The following ZMAT4 variants were observed in gnomAD, a reference collection of about 807,000 sequenced individuals.
ZMAT4 encodes zinc finger matrin-type 4, also known as zinc finger matrin-type protein 4.
In ZMAT4, 17 loss-of-function variants were observed where a neutral mutation model predicts 28.7. The ratio of observed to expected loss-of-function variants is 0.59; its 90% confidence interval spans 0.41 to 0.89. The LOEUF (loss-of-function observed/expected upper bound fraction) is 0.89, where lower values mean the gene tolerates loss of function less well. ZMAT4 is among the 40% of genes least tolerant of loss of function. The pLI is 0.00. For missense variants in ZMAT4, 240 were observed against 283.8 expected, an observed-to-expected ratio of 0.85 and a Z score of 1.11; for synonymous variants, 117 against 109.2, an observed-to-expected ratio of 1.07 and a Z score of -0.44.
In ZMAT4 at chr8:40,587,901, G is replaced by A. The variant is rs79859621; in HGVS notation, c.578-6640C>T. Among the ~76,000 whole-genome samples, 273 of 152,012 alleles carry A rather than the reference G, an allele frequency of 1.8e-3. 6 individuals carry two copies. The highest frequency in any genetic ancestry group is 0.015 in the Admixed American group (224 of 15,274). On this transcript the variant is annotated intron_variant, in intron 5 of 6. Coordinates refer to ENST00000297737, the MANE Select transcript of ZMAT4 (RefSeq NM_024645.3). Reference sequence around the variant, plus strand: ...AAACACTTATAGGTTGAAAGTAAAAGGATAGAAAAAGACATCCTATGAAAA... The same window carrying A: ...AAACACTTATAGGTTGAAAGTAAAAAGATAGAAAAAGACATCCTATGAAAA...
intron 3 of ZMAT4, among the ~76,000 whole-genome samples, chr8:40,765,954 C>A (rs368544335): frequency 1.3e-5 from 2 of 152,180 alleles, no homozygotes; most frequent in African/African-American, 4.8e-5. Flanking sequence ...ATGGGAAGCA[C>A]GATTCCAGTA....
At chr8:40,704,653 CA>C (rs1352407073) in intron 3 of ZMAT4, among the ~76,000 whole-genome samples, 1 of 152,220 alleles carries the variant, frequency 6.6e-6, no homozygotes, top group African/African-American at 2.4e-5. Context: ...GTGCCTGACA[CA>C]GGTCTGGATT....
intron 2 of ZMAT4, among the ~76,000 whole-genome samples, chr8:40,769,470 G>T (rs537864542): frequency 6.6e-6 from 1 of 152,272 alleles, no homozygotes; most frequent in South Asian, 2.1e-4. Flanking sequence ...TATTTTAGAG[G>T]TAAGGAAGGA....
In ZMAT4 at chr8:40,697,420, A is replaced by G; in HGVS notation, c.193-19T>C. On this transcript the variant is annotated intron_variant, in intron 3 of 6. Transcript: ENST00000297737. ...CACTTCCCTGCGCAGGGAGAAAGAAAGGCCACGTGTGAGAGAAACCCATTC... is the reference window on the plus strand; with the variant it reads ...CACTTCCCTGCGCAGGGAGAAAGAAGGGCCACGTGTGAGAGAAACCCATTC... 2 of 1,536,270 alleles carry G rather than the reference A, an allele frequency of 1.3e-6. No individual in the cohort carries two copies. Among genetic ancestry groups the G allele is most frequent in the Non-Finnish European group, 1.8e-6 (2 of 1,136,094 alleles).
Position 40,620,475 on chromosome 8 carries a change from G to T in ZMAT4, c.578-39214C>A, listed in dbSNP as rs147524008. Among the ~76,000 whole-genome samples the T allele has an allele frequency of 9.9e-3, 1,513 of 152,252 alleles. 11 individuals are homozygous for T. The highest frequency in any genetic ancestry group is 0.017 in the Non-Finnish European group (1,130 of 68,012). Reference sequence around the variant, plus strand: ...ATATTACTTTTATTCCTCTGTAAAAGAACATTTTTGTAGCTGAGGATCATT... The same window carrying T: ...ATATTACTTTTATTCCTCTGTAAAATAACATTTTTGTAGCTGAGGATCATT... On this transcript the variant is annotated intron_variant, in intron 5 of 6. Coordinates refer to ENST00000297737, the MANE Select transcript of ZMAT4 (RefSeq NM_024645.3).
At chr8:40,881,487 GA>G (rs1563263502) in intron 1 of ZMAT4, among the ~76,000 whole-genome samples, 18 of 134,408 alleles carry the variant, frequency 1.3e-4, no homozygotes, top group African/African-American at 5.1e-4. Flanking sequence ...AAGAAAGAAA[GA>G]AAGAAAGAAA....
At chr8:40,755,529 T>C (rs1184112748) in intron 3 of ZMAT4, among the ~76,000 whole-genome samples, 3 of 152,180 alleles carry the variant, frequency 2.0e-5, no homozygotes, top group Non-Finnish European at 4.4e-5. Context: ...CTCGGCTCAC[T>C]GCAACCTCCG....
intron 1 of ZMAT4, among the ~76,000 whole-genome samples, chr8:40,858,482 T>A (rs539299977): frequency 6.6e-6 from 1 of 152,270 alleles, no homozygotes; most frequent in East Asian, 1.9e-4. Flanking sequence ...ATTGACAGGT[T>A]TAATAAGCAA....
intron 2 of ZMAT4, among the ~76,000 whole-genome samples, chr8:40,775,488 G>T (rs1184235086): frequency 3.9e-5 from 6 of 152,194 alleles, no homozygotes; most frequent in Admixed American, 3.9e-4. Context: ...GAAACTGAGG[G>T]TTTGCTGCAA....
At chr8:40,621,610 T>C (rs118040797) in intron 5 of ZMAT4, among the ~76,000 whole-genome samples, 1,776 of 152,318 alleles carry the variant, frequency 0.012, 31 homozygotes, top group Middle Eastern at 0.034. Context: ...CTGACATGAT[T>C]TGATATCATT....
chr8:40,709,701 G>A (rs965533631), intron 3 of ZMAT4, among the ~76,000 whole-genome samples: 2 of 152,174 alleles, frequency 1.3e-5, no homozygotes, highest in Admixed American at 6.5e-5. Context: ...ATGTAAGATT[G>A]ATTTTAATAA....
chr8:40,552,209 G>A (rs1205274076), intron 6 of ZMAT4, among the ~76,000 whole-genome samples: 1 of 152,122 alleles, frequency 6.6e-6, no homozygotes, highest in Non-Finnish European at 1.5e-5. Context: ...AGTTCTGAGT[G>A]AGCTCTCTTT....
intron 3 of ZMAT4, among the ~76,000 whole-genome samples, chr8:40,699,458 T>C (rs1810035394): frequency 6.6e-6 from 1 of 152,134 alleles, no homozygotes; most frequent in Non-Finnish European, 1.5e-5. Context: ...AATGGGTATC[T>C]ACCCAAAGGA....
chr8:40,805,169 C>G (rs1260256997), intron 2 of ZMAT4, among the ~76,000 whole-genome samples: 1 of 151,936 alleles, frequency 6.6e-6, no homozygotes, highest in East Asian at 1.9e-4. Context: ...ATTTATGCAG[C>G]CAAAAAACAC....
At chr8:40,589,794 TTTTC>T (rs1247685715) in intron 5 of ZMAT4, among the ~76,000 whole-genome samples, 1 of 127,430 alleles carries the variant, frequency 7.8e-6, no homozygotes, top group Non-Finnish European at 1.8e-5. Context: ...TTTCTTTTCT[TTTTC>T]TTTGTCTTTC....
At chr8:40,889,897 A>G (rs1388728909) in intron 1 of ZMAT4, among the ~76,000 whole-genome samples, 1 of 152,232 alleles carries the variant, frequency 6.6e-6, no homozygotes, top group Non-Finnish European at 1.5e-5. Context: ...TTCAAAGAGT[A>G]TATTTTTTTG....
At chr8:40,584,506 T>C (rs1299112027) in intron 5 of ZMAT4, among the ~76,000 whole-genome samples, 1 of 152,180 alleles carries the variant, frequency 6.6e-6, no homozygotes, top group Non-Finnish European at 1.5e-5. Flanking sequence ...TATTTACAAG[T>C]AGCAAAGGAC....
At chr8:40,835,933 T>C (rs932155163) in intron 1 of ZMAT4, among the ~76,000 whole-genome samples, 11 of 152,068 alleles carry the variant, frequency 7.2e-5, no homozygotes, top group African/African-American at 2.7e-4. Flanking sequence ...TCAGTGAAAA[T>C]GTAGAGTCCA....
intron 5 of ZMAT4, among the ~76,000 whole-genome samples, chr8:40,594,293 G>T (rs1407434567): frequency 6.6e-6 from 1 of 152,136 alleles, no homozygotes; most frequent in Non-Finnish European, 1.5e-5. Flanking sequence ...AGGTAACAGA[G>T]AATAACAGAA....
Sources: allele counts gnomAD v4.1 joint callset (sites outside exome capture counted in the v4.1 genomes callset), GRCh38; gene constraint gnomAD v4.1.1; transcripts MANE v1.5; gene names NCBI Gene and HGNC (gene_info 2026-07-23, HGNC 2026-07-21).